The following COL22A1 variants were observed in gnomAD, a reference collection of about 807,000 sequenced individuals.
COL22A1 encodes collagen type XXII alpha 1 chain, also known as collagen alpha-1(XXII) chain.
In COL22A1, 221 loss-of-function variants were observed where a neutral mutation model predicts 248.9. That is an observed-to-expected ratio of 0.89 (90% CI 0.80 to 0.99). COL22A1 has a LOEUF of 0.99. COL22A1 is among the 50% of genes least tolerant of loss of function. The pLI is 0.00. For synonymous variants in COL22A1, 891 were observed against 793.4 expected (o/e 1.12, Z -2.07); for missense variants, 2,240 against 2,179.0 (o/e 1.03, Z -0.56).
intron 44 of COL22A1, among the ~76,000 whole-genome samples, chr8:138,658,324 CT>C (rs1435153601): frequency 6.6e-6 from 1 of 152,176 alleles, no homozygotes; most frequent in Non-Finnish European, 1.5e-5. Context: ...GTAAGAGTGT[CT>C]TTGTTTACCT....
rs757734663 is a variant in COL22A1 at position 138,606,361 on chromosome 8, C to T, written c.4104+20G>A. 6.2e-7 allele frequency: 1 copy of T among 1,606,700 alleles called. No individual in the cohort carries two copies. On this transcript the variant is annotated intron_variant, in intron 58 of 64. Coordinates refer to ENST00000303045, the MANE Select transcript of COL22A1 (RefSeq NM_152888.3). ...ACCTGGAGCCAGGTATCTTGGGCCC[C>T]ACTGGGGTTCTCTGCTTACCGGAGG...
rs536706474 is a variant in COL22A1, at chr8:138,690,725, C to T, written c.2808+96G>A. 1,284 of 929,466 alleles carry T rather than the reference C, an allele frequency of 1.4e-3. 1 individual carries two copies. The highest frequency in any genetic ancestry group is 1.9e-3 in the Non-Finnish European group (1,197 of 635,604). 57.6% of individuals were successfully genotyped at this position (929,466 alleles called of 1,614,324 possible). On this transcript the variant is annotated intron_variant, in intron 36 of 64. Transcript: ENST00000303045. ...GGAAAATGGGAGTAAGGATCCTCCC[C>T]TTACTCCCATGTATCCTACGCCTCT... is the stretch of plus-strand genomic sequence containing the variant.
intron 9 of COL22A1, among the ~76,000 whole-genome samples, chr8:138,810,402 T>C (rs552822052): frequency 2.0e-5 from 3 of 152,368 alleles, no homozygotes; most frequent in East Asian, 1.9e-4. Flanking sequence ...TGTTATTTCA[T>C]TGACATGTAA....
At chr8:138,794,805 G>C (rs1436829591) in intron 12 of COL22A1, among the ~76,000 whole-genome samples, 1 of 152,154 alleles carries the variant, frequency 6.6e-6, no homozygotes, top group Non-Finnish European at 1.5e-5. Context: ...AAATAAGCCA[G>C]ATGCAGGAAG....
Position 138,652,735 on chromosome 8 carries a change from G to GTT in COL22A1, c.3334-2959_3334-2958dup, listed in dbSNP as rs71316352. 4.9e-3 allele frequency among the ~76,000 whole-genome samples: 268 copies of GTT among 54,256 alleles called. 53 individuals are homozygous for GTT. The highest frequency in any genetic ancestry group is 0.015 in the African/African-American group (256 of 16,886). The allele number at this position is 54,256 out of a possible 152,430, so 35.6% of individuals were successfully genotyped here. A position where few individuals can be genotyped will look rare whatever the true frequency, so the allele number is the denominator to read the frequency against. ...TAAAATATTTTCTTTTCCTTTTCTG[G>GTT]TTTTTTTTTTTTTTTTTTTTTTTTT... On this transcript the variant is annotated intron_variant, in intron 45 of 64. Transcript: ENST00000303045.
chr8:138,800,447 G>T (rs1305648908), intron 11 of COL22A1, among the ~76,000 whole-genome samples: 1 of 152,156 alleles, frequency 6.6e-6, no homozygotes, highest in Non-Finnish European at 1.5e-5. Context: ...AGTTCCTCAT[G>T]TTGCCATTTC....
chr8:138,901,076 G>A (rs1466470252), intron 1 of COL22A1, among the ~76,000 whole-genome samples: 2 of 151,832 alleles, frequency 1.3e-5, no homozygotes, highest in African/African-American at 4.8e-5. Flanking sequence ...ATCATTGTTT[G>A]GAAATATTTC....
At chr8:138,813,098 C>T (rs1236646605) in intron 7 of COL22A1, 79 bp from the exon 8 acceptor site, 39 of 1,062,870 alleles carry the variant, frequency 3.7e-5, no homozygotes, top group Admixed American at 8.8e-5. Context: ...ACACAGGCCC[C>T]GTCCTGGTAT....
Position 138,844,068 on chromosome 8 carries a change from A to G in COL22A1, c.733+16T>C. 1 of 1,610,612 alleles carries G rather than the reference A, an allele frequency of 6.2e-7. No individual in the cohort carries two copies. Among genetic ancestry groups the G allele is most frequent in the Non-Finnish European group, 8.5e-7 (1 of 1,176,736 alleles). On this transcript the variant is annotated intron_variant, in intron 4 of 64. Coordinates refer to ENST00000303045, the MANE Select transcript of COL22A1 (RefSeq NM_152888.3). The stretch of plus-strand genomic sequence containing the variant: ...TACACCAAAGCAAGCACACGTGGTT[A>G]TTGTTTTTCCCTTACCTGTGATTTC...
chr8:138,769,115 T>A (rs1834149688), intron 16 of COL22A1, among the ~76,000 whole-genome samples: 1 of 152,090 alleles, frequency 6.6e-6, no homozygotes, highest in Non-Finnish European at 1.5e-5. Context: ...GTCCTATACT[T>A]TGCAAATCTT....
At chr8:138,644,894 A>C (rs575925457) in intron 47 of COL22A1, among the ~76,000 whole-genome samples, 5 of 152,108 alleles carry the variant, frequency 3.3e-5, no homozygotes, top group Non-Finnish European at 5.9e-5. Context: ...TGTGGGACGG[A>C]CGGCCCGCAA....
chr8:138,594,124 C>T lies in COL22A1; in HGVS notation c.4508G>A (p.Gly1503Glu). Residue 1503 changes from glycine (G) to glutamate (E), a missense_variant, in exon 63 of 65, where the codon GGG becomes GAG. Physicochemically the swap from Gly to Glu is moderately conservative, Grantham distance 98. Coordinates refer to ENST00000303045, the MANE Select transcript of COL22A1 (RefSeq NM_152888.3). ...KSSQGRPGPP[G>E]PPGKDGLPGR... ...TGGAAGCCCATCTTTTCCAGGGGGC[C>T]CTGGGGGCCCAGGTCTGCCTTGAGA... 6.3e-7 allele frequency: 1 copy of T among 1,577,552 alleles called. No homozygotes were observed. Among genetic ancestry groups the T allele is most frequent in the Non-Finnish European group, 8.6e-7 (1 of 1,168,804 alleles).
intron 1 of COL22A1, among the ~76,000 whole-genome samples, chr8:138,895,060 TAA>T (rs35588853): frequency 7.2e-6 from 1 of 139,622 alleles, no homozygotes. Context: ...ACCTTTCTCT[TAA>T]AAAAAAAAAA....
intron 16 of COL22A1, among the ~76,000 whole-genome samples, chr8:138,763,853 C>T (rs1417670851): frequency 6.6e-6 from 1 of 152,196 alleles, no homozygotes; most frequent in Non-Finnish European, 1.5e-5. Flanking sequence ...TTTCTTCTCC[C>T]TCATCTCCCT....
In COL22A1 at chr8:138,689,071, C is replaced by A. The variant is rs531692495; in HGVS notation, c.2809-101G>T. 8.4e-5 allele frequency: 75 copies of A among 895,360 alleles called. No individual in the cohort carries two copies. In the African/African-American group the frequency reaches 1.1e-3, roughly 13 times the overall value. The allele number at this position is 895,360 out of a possible 1,614,324, so 55.5% of individuals were successfully genotyped here. ...AAGAATCATCAGGTCCCCCTGAAGTCAACGACTACAGCTCCCACCCAATTC... is the reference window on the plus strand; with the variant it reads ...AAGAATCATCAGGTCCCCCTGAAGTAAACGACTACAGCTCCCACCCAATTC... On this transcript the variant is annotated intron_variant, in intron 36 of 64. Coordinates refer to ENST00000303045, the MANE Select transcript of COL22A1 (RefSeq NM_152888.3).
chr8:138,882,980 G>T, intron 2 of COL22A1, 102 bp downstream of exon 2: 1 of 1,054,944 alleles, frequency 9.5e-7, no homozygotes, highest in Non-Finnish European at 1.4e-6. Context: ...CACACAGTCA[G>T]TTGTGAACTC....
chr8:138,859,015 A>G (rs1179609262), intron 3 of COL22A1, among the ~76,000 whole-genome samples: 2 of 152,132 alleles, frequency 1.3e-5, no homozygotes, highest in African/African-American at 4.8e-5. Flanking sequence ...CTGCGGATAA[A>G]CCATCTCCCT....
intron 52 of COL22A1, among the ~76,000 whole-genome samples, chr8:138,622,425 T>A (rs3935766): frequency 6.6e-6 from 1 of 152,216 alleles, no homozygotes; most frequent in Non-Finnish European, 1.5e-5. Flanking sequence ...GTTATTATTG[T>A]TGTTGTTGTA....
intron 3 of COL22A1, among the ~76,000 whole-genome samples, chr8:138,863,500 C>T (rs1462721810): frequency 6.6e-6 from 1 of 152,120 alleles, no homozygotes; most frequent in Non-Finnish European, 1.5e-5. Flanking sequence ...CCTAGGGGTA[C>T]ATGGATCATA....
Sources: gnomAD v4.1 joint callset for allele counts (sites outside exome capture counted in the v4.1 genomes callset) on GRCh38, gnomAD v4.1.1 for gene constraint, MANE v1.5 for transcripts, NCBI Gene and HGNC (gene_info 2026-07-23, HGNC 2026-07-21) for gene names.